The following ZFP91 variants were observed in gnomAD, a reference collection of about 807,000 sequenced individuals.
ZFP91 encodes ZFP91 zinc finger protein, atypical E3 ubiquitin ligase.
Under a neutral mutation model 63.5 loss-of-function variants are expected in ZFP91, and 7 were observed. The observed-to-expected ratio is 0.11, with a 90% CI of 0.06 to 0.21. ZFP91 has a LOEUF of 0.21. Among genes scored for constraint, ZFP91 ranks in the 10% least tolerant of loss-of-function variants. ZFP91 has a pLI of 1.00. For synonymous variants in ZFP91, 330 were observed against 272.1 expected (o/e 1.21, Z -2.10); for missense variants, 628 against 736.6 (o/e 0.85, Z 1.71).
chr11:58,579,423 C>T lies in ZFP91; in HGVS notation c.142C>T (p.Arg48Cys). 1.4e-6 allele frequency: 2 copies of T among 1,446,782 alleles called. No homozygotes were observed. Among genetic ancestry groups the T allele is most frequent in the Middle Eastern group, 2.5e-4 (1 of 4,028 alleles). The allele number at this position is 1,446,782 out of a possible 1,614,324, so 89.6% of individuals were successfully genotyped here. A position where few individuals can be genotyped will look rare whatever the true frequency, so the allele number is the denominator to read the frequency against. Residue 48 changes from arginine to cysteine, a missense_variant, in exon 1 of 11, where the codon CGC becomes TGC. Transcript: ENST00000316059. ...AAAPAGTTSSRVLRGGRDRGR... is the reference protein window; with the variant it reads ...AAAPAGTTSSCVLRGGRDRGR... ...GGCGCCTGCAGGGACCACTAGCAGCCGCGTGCTGAGGGGAGGTCGGGACCG... is the reference window on the plus strand; with the variant it reads ...GGCGCCTGCAGGGACCACTAGCAGCTGCGTGCTGAGGGGAGGTCGGGACCG...
chr11:58,612,682 GCA>G, intron 7 of ZFP91, 78 bp from the exon 8 acceptor site: 1 of 1,061,960 alleles, frequency 9.4e-7, no homozygotes, highest in Non-Finnish European at 1.4e-6. Context: ...ATTCCCAATA[GCA>G]CAGTTTAAGT....
At chr11:58,601,530 C>G (rs1322001465) in intron 2 of ZFP91, among the ~76,000 whole-genome samples, 1 of 151,362 alleles carries the variant, frequency 6.6e-6, no homozygotes, top group Non-Finnish European at 1.5e-5. Context: ...TTACTTTATT[C>G]TGCTAGCTTT....
intron 1 of ZFP91, among the ~76,000 whole-genome samples, chr11:58,584,241 G>T (rs893338582): frequency 6.6e-6 from 1 of 151,910 alleles, no homozygotes; most frequent in Non-Finnish European, 1.5e-5. Flanking sequence ...ATTTTGATTT[G>T]GTCTTAACAA....
chr11:58,601,734 T>C (rs2134408511), intron 2 of ZFP91, among the ~76,000 whole-genome samples: 1 of 152,296 alleles, frequency 6.6e-6, no homozygotes, highest in Non-Finnish European at 1.5e-5. Flanking sequence ...TCTAAGTATT[T>C]TGTAATTTTC....
In ZFP91 at chr11:58,618,688, G is replaced by T. The variant is rs139343104; in HGVS notation, c.*982G>T. 2.5e-4 allele frequency: 116 copies of T among 456,874 alleles called. No homozygotes were observed. The highest frequency in any genetic ancestry group is 9.8e-4 in the Middle Eastern group (3 of 3,076). 28.3% of individuals were successfully genotyped at this position (456,874 alleles called of 1,614,324 possible). On this transcript the variant is annotated 3_prime_UTR_variant, in exon 11 of 11. Transcript: ENST00000316059. The stretch of plus-strand genomic sequence containing the variant: ...ACAGGTACTTTGAAGGCAAGACATA[G>T]GGTTGAAGAAGCACAGCCAGCCTCT...
rs116309936 is a variant in ZFP91 at position 58,609,434 on chromosome 11, C to T, written c.371-396C>T. Among the ~76,000 whole-genome samples, 499 of 152,304 alleles carry T rather than the reference C, an allele frequency of 3.3e-3. 2 individuals are homozygous for T. Among genetic ancestry groups the T allele is most frequent in the African/African-American group, 0.011 (471 of 41,566 alleles). On this transcript the variant is annotated intron_variant, in intron 2 of 10. Coordinates refer to ENST00000316059, the MANE Select transcript of ZFP91 (RefSeq NM_053023.5). ...TATAGACTTGTTTGGTTGTAAATAA[C>T]ATCTAGATCTATGGTTCTTTCTTTT...
intron 1 of ZFP91, among the ~76,000 whole-genome samples, chr11:58,584,061 A>G (rs2134388366): frequency 6.6e-6 from 1 of 151,914 alleles, no homozygotes; most frequent in Non-Finnish European, 1.5e-5. Flanking sequence ...TATGAGAGAA[A>G]TTTTTCTGAA....
chr11:58,584,598 G>C (rs953410494), intron 1 of ZFP91, among the ~76,000 whole-genome samples: 1 of 152,100 alleles, frequency 6.6e-6, no homozygotes, highest in Admixed American at 6.5e-5. Flanking sequence ...GTAGCCACAT[G>C]TGGCTATTTA....
Position 58,621,431 on chromosome 11 carries a change from T to G in ZFP91, c.*3725T>G, listed in dbSNP as rs964147361. Among the ~76,000 whole-genome samples, 8 of 152,188 alleles carry G rather than the reference T, an allele frequency of 5.3e-5. No individual in the cohort carries two copies. Among genetic ancestry groups the G allele is most frequent in the African/African-American group, 1.7e-4 (7 of 41,444 alleles). Reference sequence around the variant, plus strand: ...TTTATATCAAGTACTGATTTTTATTTTAAAAAAGAAAAAACTATAATCCTT... The same window carrying G: ...TTTATATCAAGTACTGATTTTTATTGTAAAAAAGAAAAAACTATAATCCTT... On this transcript the variant is annotated 3_prime_UTR_variant, in exon 11 of 11. Transcript: ENST00000316059.
intron 2 of ZFP91, among the ~76,000 whole-genome samples, chr11:58,590,943 A>G (rs906413506): frequency 6.6e-6 from 1 of 151,120 alleles, no homozygotes; most frequent in Non-Finnish European, 1.5e-5. Flanking sequence ...GGTGATTTTT[A>G]GAGAAATCCT....
At chr11:58,599,974 T>C (rs1855466625) in intron 2 of ZFP91, among the ~76,000 whole-genome samples, 1 of 151,914 alleles carries the variant, frequency 6.6e-6, no homozygotes, top group South Asian at 2.1e-4. Flanking sequence ...TTAGCCACCT[T>C]CTTAAAAATC....
At chr11:58,599,495 C>T (rs1307465627) in intron 2 of ZFP91, among the ~76,000 whole-genome samples, 2 of 152,084 alleles carry the variant, frequency 1.3e-5, no homozygotes, top group African/African-American at 4.8e-5. Flanking sequence ...TTCTCACCAA[C>T]ACTTCTTATT....
At chr11:58,593,264 C>G (rs532265872) in intron 2 of ZFP91, among the ~76,000 whole-genome samples, 1 of 152,216 alleles carries the variant, frequency 6.6e-6, no homozygotes, top group Admixed American at 6.5e-5. Flanking sequence ...TCTGTCTGTC[C>G]CCAGCAGCCA....
intron 1 of ZFP91, among the ~76,000 whole-genome samples, chr11:58,579,869 C>G (rs1009895997): frequency 2.0e-5 from 3 of 152,148 alleles, no homozygotes; most frequent in African/African-American, 7.2e-5. Context: ...TTGATACACC[C>G]CTGCACTCGC....
rs980675283 is a variant in ZFP91, at chr11:58,610,107, C to T, written c.580+68C>T. On this transcript the variant is annotated intron_variant, in intron 3 of 10. Transcript: ENST00000316059. ...GTTACATTTTAAATGTAATGTTGAA[C>T]ATTTGTGTTAACAGCTTAACTGTCA... is the stretch of plus-strand genomic sequence containing the variant. 8.3e-6 allele frequency: 13 copies of T among 1,560,364 alleles called. No homozygotes were observed. In the Admixed American group the frequency reaches 1.9e-4, roughly 23 times the overall value.
chr11:58,619,526 T>G lies in ZFP91; in HGVS notation c.*1820T>G, dbSNP rs950900837. 6.6e-6 allele frequency: 1 copy of G among 152,562 alleles called. No individual in the cohort carries two copies. Among genetic ancestry groups the G allele is most frequent in the Non-Finnish European group, 1.5e-5 (1 of 68,028 alleles). The allele number at this position is 152,562 out of a possible 1,614,324, so 9.5% of individuals were successfully genotyped here. On this transcript the variant is annotated 3_prime_UTR_variant, in exon 11 of 11. Coordinates refer to ENST00000316059, the MANE Select transcript of ZFP91 (RefSeq NM_053023.5). ...GTTTGTGTTTCACAAACATGGCTTA[T>G]CAATTTTTTCAAAGAATTCTTTTTT...
At position 58,579,269 on chromosome 11, in the gene ZFP91, C is replaced by A; in HGVS notation, c.-13C>A. ...CCGCCTAGGACTAGGGGGTGGGGGA[C>A]GGACAAGCCCCGATGCCGGGGGAGA... On this transcript the variant is annotated 5_prime_UTR_variant, in exon 1 of 11. Transcript: ENST00000316059. The A allele has an allele frequency of 7.0e-7, 1 of 1,420,360 alleles. No homozygotes were observed. 88.0% of individuals were successfully genotyped at this position (1,420,360 alleles called of 1,614,324 possible).
chr11:58,606,499 G>GT (rs775654382), intron 2 of ZFP91, among the ~76,000 whole-genome samples: 1 of 152,050 alleles, frequency 6.6e-6, no homozygotes, highest in Non-Finnish European at 1.5e-5. Flanking sequence ...TTTAAACATT[G>GT]TTTTTTACAA....
chr11:58,593,597 C>T (rs937224516), intron 2 of ZFP91, among the ~76,000 whole-genome samples: 1 of 152,118 alleles, frequency 6.6e-6, no homozygotes, highest in African/African-American at 2.4e-5. Context: ...GAAAATGATC[C>T]ATTTTATATG....
Sources: gnomAD v4.1 joint callset for allele counts (sites outside exome capture counted in the v4.1 genomes callset) on GRCh38, gnomAD v4.1.1 for gene constraint, MANE v1.5 for transcripts, NCBI Gene and HGNC (gene_info 2026-07-23, HGNC 2026-07-21) for gene names.